Variants in GLIS1 observed in about 807,000 individuals in gnomAD.
The protein encoded by GLIS1 is zinc finger protein GLIS1.
A neutral mutation model predicts 63.8 loss-of-function variants in GLIS1; 24 were observed. The ratio of observed to expected loss-of-function variants is 0.38; its 90% CI spans 0.27 to 0.53. The LOEUF is 0.53. GLIS1 is among the 20% of genes least tolerant of loss of function. GLIS1 has a pLI of 0.85. For synonymous variants in GLIS1, 450 were observed against 482.5 expected (o/e 0.93, Z 0.88); for missense variants, 1,036 against 1,074.1 (o/e 0.96, Z 0.50).
At chr1:53,520,465 G>T (rs1416480880) in intron 7 of GLIS1, among the ~76,000 whole-genome samples, 169 bp downstream of exon 7, 1 of 152,266 alleles carries the variant, frequency 6.6e-6, no homozygotes, top group Non-Finnish European at 1.5e-5. Flanking sequence ...GGAGAAGATG[G>T]ATTGGAAGTA....
intron 4 of GLIS1, among the ~76,000 whole-genome samples, chr1:53,572,558 T>TGGCA (rs893603000): frequency 2.0e-5 from 3 of 152,142 alleles, no homozygotes; most frequent in African/African-American, 7.2e-5. Flanking sequence ...CTACATCAGG[T>TGGCA]GGCACCATGG....
At position 53,624,001 on chromosome 1, in the gene GLIS1, A is replaced by G. The variant is rs367629465; in HGVS notation, c.260-23723T>C. 3.9e-5 allele frequency among the ~76,000 whole-genome samples: 6 copies of G among 152,356 alleles called. No homozygotes were observed. The East Asian group carries it at 1.2e-3, about 29-fold the overall frequency. ...GACCTGTAAATTTAATGCCATCTCA[A>G]CCAAGACTCCAGTAGGCTTTTTGGT... is the stretch of plus-strand genomic sequence containing the variant. On this transcript the variant is annotated intron_variant, in intron 2 of 10. Transcript: ENST00000628545.
intron 2 of GLIS1, among the ~76,000 whole-genome samples, chr1:53,687,687 T>C (rs1158715741): frequency 6.6e-6 from 1 of 152,034 alleles, no homozygotes; most frequent in Admixed American, 6.5e-5. Context: ...CCAGCCAGGG[T>C]CTTCCCATAG....
intron 7 of GLIS1, among the ~76,000 whole-genome samples, chr1:53,518,970 C>T (rs1644379610): frequency 2.6e-5 from 4 of 152,244 alleles, no homozygotes; most frequent in South Asian, 2.1e-4. Flanking sequence ...CAAGGTAAAA[C>T]TGACGGGGTA....
At chr1:53,720,127 G>C (rs142474242) in intron 2 of GLIS1, among the ~76,000 whole-genome samples, 1 of 152,212 alleles carries the variant, frequency 6.6e-6, no homozygotes, top group Non-Finnish European at 1.5e-5. Context: ...AATGAGCCAA[G>C]ATCGTGCCAC....
At chr1:53,619,230 C>T (rs1401915104) in intron 2 of GLIS1, among the ~76,000 whole-genome samples, 2 of 152,240 alleles carry the variant, frequency 1.3e-5, no homozygotes, top group Non-Finnish European at 2.9e-5. Context: ...CCACCCTGAG[C>T]TGGGCACTGG....
At chr1:53,552,194 C>T (rs1190928324) in intron 4 of GLIS1, among the ~76,000 whole-genome samples, 1 of 152,178 alleles carries the variant, frequency 6.6e-6, no homozygotes, top group African/African-American at 2.4e-5. Flanking sequence ...ATGCAAGTCC[C>T]CTAGCCTCTC....
rs111866859 is a variant in GLIS1 at position 53,709,375 on chromosome 1, T to C, written c.259+28431A>G. Among the ~76,000 whole-genome samples the C allele has an allele frequency of 7.0e-3, 465 of 66,348 alleles. 3 individuals carry two copies. The highest frequency in any genetic ancestry group is 0.015 in the African/African-American group (200 of 13,418). 43.5% of individuals were successfully genotyped at this position (66,348 alleles called of 152,430 possible). A position where few individuals can be genotyped will look rare whatever the true frequency, so the allele number is the denominator to read the frequency against. On this transcript the variant is annotated intron_variant, in intron 2 of 10. Transcript: ENST00000628545. ...ATATATATACATATACATATATATATACATATATACATATATATACATATA... is the reference window on the plus strand; with the variant it reads ...ATATATATACATATACATATATATACACATATATACATATATATACATATA...
At chr1:53,669,355 C>G (rs1312988745) in intron 2 of GLIS1, among the ~76,000 whole-genome samples, 1 of 152,188 alleles carries the variant, frequency 6.6e-6, no homozygotes, top group Non-Finnish European at 1.5e-5. Context: ...CCATGAGCCC[C>G]CTATGTATAT....
In GLIS1 at chr1:53,511,160, T is replaced by C. The variant is rs1002971719; in HGVS notation, c.1884-1133A>G. ...CCAGCCTGTAAAGCATTTATGTACA[T>C]GGCAGAAAGAGGGAGATAGTGAGAG... On this transcript the variant is annotated intron_variant, in intron 8 of 10. Transcript: ENST00000628545. This position sits in a 1 kb window ranked among gnomAD's most constrained non-coding sequence, Gnocchi z 4.2. 6.6e-6 allele frequency among the ~76,000 whole-genome samples: 1 copy of C among 152,234 alleles called. No individual in the cohort carries two copies. Among genetic ancestry groups the C allele is most frequent in the Non-Finnish European group, 1.5e-5 (1 of 68,028 alleles).
chr1:53,693,939 G>A (rs1015491170), intron 2 of GLIS1, among the ~76,000 whole-genome samples: 6 of 152,212 alleles, frequency 3.9e-5, no homozygotes, highest in South Asian at 2.1e-4. Flanking sequence ...TGTCATCACC[G>A]TCACTCTGAA....
At position 53,514,672 on chromosome 1, in the gene GLIS1, G is replaced by A; in HGVS notation, c.1836C>T (p.Ser612=). Reference sequence around the variant, plus strand: ...TGGGCAGAGGGGACAGATGGTGGTGGGAACTGGTGGTGGCATCCAGCGGGT... The same window carrying A: ...TGGGCAGAGGGGACAGATGGTGGTGAGAACTGGTGGTGGCATCCAGCGGGT... ...RHHPLDATTS[S]HHHLSPLPMA... is the part of the protein sequence containing the mutation. Residue 612 remains serine, a synonymous_variant, in exon 8 of 11, where the codon TCC becomes TCT. Coordinates refer to ENST00000628545, the MANE Select transcript of GLIS1 (RefSeq NM_001367484.1). The A allele has an allele frequency of 6.2e-7, 1 of 1,613,906 alleles. No homozygotes were observed. The highest frequency in any genetic ancestry group is 8.5e-7 in the Non-Finnish European group (1 of 1,179,958).
At chr1:53,655,333 T>G (rs1483671065) in intron 2 of GLIS1, among the ~76,000 whole-genome samples, 1 of 152,240 alleles carries the variant, frequency 6.6e-6, no homozygotes, top group Non-Finnish European at 1.5e-5. Context: ...CTCCAACTTT[T>G]TTGATCTCAT....
At chr1:53,709,087 A>C (rs1646611594) in intron 2 of GLIS1, among the ~76,000 whole-genome samples, 1 of 152,062 alleles carries the variant, frequency 6.6e-6, no homozygotes, top group Non-Finnish European at 1.5e-5. Context: ...TGGGTACAGA[A>C]GGGCTCAACA....
At chr1:53,712,289 T>C (rs1229060733) in intron 2 of GLIS1, among the ~76,000 whole-genome samples, 1 of 152,190 alleles carries the variant, frequency 6.6e-6, no homozygotes, top group Non-Finnish European at 1.5e-5. Flanking sequence ...ATGCAGCAGG[T>C]CTGCACTGAG....
chr1:53,506,559 C>T lies in GLIS1; in HGVS notation c.*60G>A. The T allele has an allele frequency of 6.4e-7, 1 of 1,559,138 alleles. No individual in the cohort carries two copies. The highest frequency in any genetic ancestry group is 8.8e-7 in the Non-Finnish European group (1 of 1,137,304). On this transcript the variant is annotated 3_prime_UTR_variant, in exon 11 of 11. Coordinates refer to ENST00000628545, the MANE Select transcript of GLIS1 (RefSeq NM_001367484.1). ...CTAGGTGCACGGAGGGTGGGAGCGA[C>T]AGCAGGTGGGCGAGGTGGCATCTGC...
chr1:53,713,620 G>T (rs993703499), intron 2 of GLIS1, among the ~76,000 whole-genome samples: 1 of 152,190 alleles, frequency 6.6e-6, no homozygotes, highest in Non-Finnish European at 1.5e-5. Context: ...TAACTAGCTG[G>T]ACTTACTGGC....
At chr1:53,529,748 G>T in intron 5 of GLIS1, 43 bp downstream of exon 5, 1 of 1,583,790 alleles carries the variant, frequency 6.3e-7, no homozygotes. Context: ...CAGGTGTGTG[G>T]CCATCCTCCA....
chr1:53,732,332 C>T (rs562344291), intron 2 of GLIS1, among the ~76,000 whole-genome samples: 5 of 152,222 alleles, frequency 3.3e-5, no homozygotes, highest in African/African-American at 4.8e-5. Flanking sequence ...GCCCAGCCTT[C>T]GGCTTTCTTT....
Sources: gnomAD v4.1 joint callset for allele counts (sites outside exome capture counted in the v4.1 genomes callset) on GRCh38, gnomAD v4.1.1 for gene constraint, Gnocchi (gnomAD v3.1) non-coding constraint, MANE v1.5 for transcripts, NCBI Gene and HGNC (gene_info 2026-07-23, HGNC 2026-07-21) for gene names.